Variants in KCNIP3 observed in about 807,000 individuals in gnomAD.
The protein encoded by KCNIP3 is potassium voltage-gated channel interacting protein 3, also known as calsenilin.
In KCNIP3, 28 loss-of-function variants were observed where a neutral mutation model predicts 35.0. The ratio of observed to expected loss-of-function variants is 0.80; its 90% CI spans 0.59 to 1.10. The LOEUF is 1.10. KCNIP3 is among the 50% of genes least tolerant of loss of function. The pLI is 0.00. For missense variants in KCNIP3, 295 were observed against 338.4 expected, an observed-to-expected ratio of 0.87 and a Z score of 1.01; for synonymous variants, 134 against 133.8, an observed-to-expected ratio of 1.00 and a Z score of -0.01.
Position 95,377,547 on chromosome 2 carries a change from A to T in KCNIP3, c.447+2339A>T. Among the ~76,000 whole-genome samples the T allele has an allele frequency of 6.6e-6, 1 of 152,216 alleles. No individual in the cohort carries two copies. The highest frequency in any genetic ancestry group is 1.5e-5 in the Non-Finnish European group (1 of 68,030). ...GCCCTCACCCTGCCTAGCCCCTGCC[A>T]TGGGGACAGCCGTAGAACAGAGGCT... On this transcript the variant is annotated intron_variant, in intron 5 of 8. Coordinates refer to ENST00000295225, the MANE Select transcript of KCNIP3 (RefSeq NM_013434.5). This position sits in a 1 kb window ranked among gnomAD's most constrained non-coding sequence, Gnocchi z 4.7.
At chr2:95,363,143 C>CA (rs1553446562) in intron 2 of KCNIP3, among the ~76,000 whole-genome samples, 1 of 151,968 alleles carries the variant, frequency 6.6e-6, no homozygotes, top group African/African-American at 2.4e-5. Flanking sequence ...CAGATTCATC[C>CA]TTTTTTTTCC....
At chr2:95,308,667 GGC>G (rs1678238649) in intron 1 of KCNIP3, among the ~76,000 whole-genome samples, 1 of 152,190 alleles carries the variant, frequency 6.6e-6, no homozygotes, top group Admixed American at 6.5e-5. Flanking sequence ...GGACGGGCAT[GGC>G]CAGGGCTGGT....
intron 2 of KCNIP3, among the ~76,000 whole-genome samples, chr2:95,338,281 G>C (rs746323640): frequency 6.6e-6 from 1 of 152,190 alleles, no homozygotes; most frequent in African/African-American, 2.4e-5. Flanking sequence ...GTTGATGTTA[G>C]CTTCGTGAAA....
chr2:95,370,584 C>T (rs896238965), intron 2 of KCNIP3, among the ~76,000 whole-genome samples: 1 of 152,096 alleles, frequency 6.6e-6, no homozygotes, highest in Non-Finnish European at 1.5e-5. Context: ...TTGTCTTTTG[C>T]CTGTTTACAA....
At chr2:95,357,134 C>T (rs1679674837) in intron 2 of KCNIP3, among the ~76,000 whole-genome samples, 2 of 152,228 alleles carry the variant, frequency 1.3e-5, no homozygotes, top group East Asian at 1.9e-4. Context: ...TGTCACATAC[C>T]TAGACACAGG....
At chr2:95,374,441 C>T (rs202063962) in intron 3 of KCNIP3, 21 bp downstream of exon 3, 92 of 1,611,676 alleles carry the variant, frequency 5.7e-5, no homozygotes, top group African/African-American at 1.2e-4. Flanking sequence ...CCCATTCCCC[C>T]GGGAGAGGCC....
chr2:95,359,195 A>G (rs1430182089), intron 2 of KCNIP3, among the ~76,000 whole-genome samples: 1 of 152,198 alleles, frequency 6.6e-6, no homozygotes, highest in Non-Finnish European at 1.5e-5. Flanking sequence ...TCATAAGCCC[A>G]GAGTCTCATC....
chr2:95,329,592 G>A (rs887900264), intron 2 of KCNIP3, among the ~76,000 whole-genome samples: 33 of 152,258 alleles, frequency 2.2e-4, no homozygotes, highest in African/African-American at 7.2e-4. Context: ...CTGCACCGCT[G>A]GGGCTCCATC....
intron 2 of KCNIP3, among the ~76,000 whole-genome samples, chr2:95,325,595 TCACA>T (rs1678719005): frequency 6.6e-6 from 1 of 151,300 alleles, no homozygotes; most frequent in South Asian, 2.1e-4. Flanking sequence ...ACACACGCAC[TCACA>T]CACTCATACA....
chr2:95,351,112 T>G (rs1679508254), intron 2 of KCNIP3, among the ~76,000 whole-genome samples: 1 of 152,256 alleles, frequency 6.6e-6, no homozygotes, highest in African/African-American at 2.4e-5. Flanking sequence ...AAGTCTGGGC[T>G]TGGGCCCAGC....
intron 2 of KCNIP3, among the ~76,000 whole-genome samples, chr2:95,365,920 T>C (rs1679906189): frequency 6.6e-6 from 1 of 152,242 alleles, no homozygotes; most frequent in African/African-American, 2.4e-5. Context: ...TGCATAGTCA[T>C]GTAACCATTA....
intron 2 of KCNIP3, chr2:95,311,814 G>GCGGTTGTGAC (rs1374519411): frequency 6.6e-6 from 1 of 152,194 alleles, no homozygotes; most frequent in African/African-American, 2.4e-5. Context: ...TCCCATGGAA[G>GCGGTTGTGAC]CGCTAGCACC....
intron 2 of KCNIP3, among the ~76,000 whole-genome samples, chr2:95,333,876 T>C (rs796652008): frequency 2.0e-5 from 3 of 152,332 alleles, no homozygotes; most frequent in African/African-American, 7.2e-5. Flanking sequence ...TGCTGCTTTC[T>C]GACTCAGACC....
intron 2 of KCNIP3, among the ~76,000 whole-genome samples, chr2:95,336,856 G>C (rs778797778): frequency 6.6e-6 from 1 of 152,166 alleles, no homozygotes; most frequent in Non-Finnish European, 1.5e-5. Flanking sequence ...AGAAAGCCCA[G>C]GGTGTTCACC....
chr2:95,330,155 C>T (rs1367350090), intron 2 of KCNIP3, among the ~76,000 whole-genome samples: 4 of 152,194 alleles, frequency 2.6e-5, no homozygotes, highest in Non-Finnish European at 5.9e-5. Flanking sequence ...AAGGTCTGGC[C>T]GCGGCTCCCC....
Position 95,374,839 on chromosome 2 carries a change from C to G in KCNIP3, c.307-9C>G, listed in dbSNP as rs778852689. 2 of 1,613,412 alleles carry G rather than the reference C, an allele frequency of 1.2e-6. No individual in the cohort carries two copies. The highest frequency in any genetic ancestry group is 1.7e-6 in the Non-Finnish European group (2 of 1,179,942). ...GGCCGAGGGCTGAGGGGGTGCCTTC[C>G]TGCTGCAGGAGTGTCCCACGGGCCT... On this transcript the variant is annotated splice_polypyrimidine_tract_variant and intron_variant, in intron 3 of 8. Transcript: ENST00000295225.
At chr2:95,308,308 G>A (rs1678228271) in intron 1 of KCNIP3, among the ~76,000 whole-genome samples, 1 of 152,186 alleles carries the variant, frequency 6.6e-6, no homozygotes, top group South Asian at 2.1e-4. Flanking sequence ...AGAAGGGGAG[G>A]GACGTGCAGG....
intron 2 of KCNIP3, among the ~76,000 whole-genome samples, chr2:95,359,271 G>A (rs1364445787): frequency 6.6e-6 from 1 of 152,210 alleles, no homozygotes; most frequent in African/African-American, 2.4e-5. Flanking sequence ...CCAGCTGTGA[G>A]CCTGTGAAAT....
At chr2:95,350,486 AG>A (rs1294027830) in intron 2 of KCNIP3, among the ~76,000 whole-genome samples, 3 of 152,148 alleles carry the variant, frequency 2.0e-5, no homozygotes, top group Non-Finnish European at 4.4e-5. Context: ...GCTGACCAAG[AG>A]GGAGAACTGG....
Sources: gnomAD v4.1 joint callset for allele counts (sites outside exome capture counted in the v4.1 genomes callset) on GRCh38, gnomAD v4.1.1 for gene constraint, Gnocchi (gnomAD v3.1) non-coding constraint, MANE v1.5 for transcripts, NCBI Gene and HGNC (gene_info 2026-07-23, HGNC 2026-07-21) for gene names.